Variants in DMD observed in about 807,000 individuals in gnomAD.
DMD encodes the protein mutant dystrophin.
A neutral mutation model predicts 330.1 loss-of-function variants in DMD; 63 were observed. The ratio of observed to expected loss-of-function variants is 0.19; its 90% CI spans 0.16 to 0.24. DMD has a LOEUF of 0.24. DMD is among the 10% of genes least tolerant of loss of function. The probability of loss-of-function intolerance (pLI) is 1.00; values close to 1 mark genes in which losing one functional copy is unlikely to be tolerated. For missense variants in DMD, 3,344 were observed against 2,684.1 expected (o/e 1.25, Z -5.43); for synonymous variants, 1,223 against 959.8 (o/e 1.27, Z -5.07).
At chrX:33,106,054 CCA>C (rs1557263796) in intron 1 of DMD, among the ~76,000 whole-genome samples, 15 of 89,416 alleles carry the variant, frequency 1.7e-4, no homozygotes, top group South Asian at 4.6e-4. Flanking sequence ...GATACACACA[CCA>C]CACACACACA....
At chrX:31,697,006 G>A (rs1373276286) in intron 52 of DMD, among the ~76,000 whole-genome samples, 1 of 112,254 alleles carries the variant, frequency 8.9e-6, no homozygotes, top group Non-Finnish European at 1.9e-5. Flanking sequence ...AGTTTTAAAT[G>A]TATTTCATTT....
At chrX:31,394,936 G>GCTGAGAGAGAGAGAGA (rs2148811575) in intron 60 of DMD, among the ~76,000 whole-genome samples, 1 of 30,398 alleles carries the variant, frequency 3.3e-5, no homozygotes, top group East Asian at 1.1e-3. Context: ...GAGAGAGAAG[G>GCTGAGAGAGAGAGAGA]GTGAGAGAGA....
chrX:31,788,824 C>T (rs928553746), intron 50 of DMD, among the ~76,000 whole-genome samples: 1 of 110,455 alleles, frequency 9.1e-6, no homozygotes, highest in East Asian at 2.8e-4. Context: ...ATTTAATGAC[C>T]TTCTTTGTGT....
chrX:32,015,908 GT>G (rs775674436), intron 44 of DMD, among the ~76,000 whole-genome samples: 1 of 111,166 alleles, frequency 9.0e-6, no homozygotes, highest in African/African-American at 3.3e-5. Context: ...AGAACACTAA[GT>G]TTTTTTTGTG....
At chrX:32,252,703 TATAA>T (rs1473476343) in intron 43 of DMD, among the ~76,000 whole-genome samples, 7 of 40,382 alleles carry the variant, frequency 1.7e-4, no homozygotes, top group Non-Finnish European at 2.8e-4. Context: ...TATAAATATA[TATAA>T]ATATATAAAT....
intron 48 of DMD, among the ~76,000 whole-genome samples, chrX:31,855,196 G>GTT (rs76973499): frequency 0.37 from 40,447 of 110,284 alleles, 5,619 homozygotes; most frequent in Admixed American, 0.48. Flanking sequence ...TTTGAGTGTG[G>GTT]TTCTGATGAA....
At chrX:33,317,343 T>A (rs2053946681) in intron 1 of DMD, among the ~76,000 whole-genome samples, 1 of 111,612 alleles carries the variant, frequency 9.0e-6, no homozygotes, top group South Asian at 3.7e-4. Context: ...TATTATTATA[T>A]ATAAAACCTT....
At chrX:32,025,353 C>T (rs1001995522) in intron 44 of DMD, among the ~76,000 whole-genome samples, 15 of 111,559 alleles carry the variant, frequency 1.3e-4, no homozygotes, top group Non-Finnish European at 2.4e-4. Flanking sequence ...TAGCCGCATG[C>T]GGCTTTTGAA....
At chrX:31,807,958 C>T (rs956184886) in intron 50 of DMD, among the ~76,000 whole-genome samples, 1 of 111,610 alleles carries the variant, frequency 9.0e-6, no homozygotes, top group African/African-American at 3.3e-5. Flanking sequence ...TCTAGGCTTT[C>T]ATTTCCTCTC....
intron 7 of DMD, among the ~76,000 whole-genome samples, chrX:32,733,598 A>G (rs1299783143): frequency 5.1e-4 from 57 of 111,455 alleles, no homozygotes; most frequent in Non-Finnish European, 8.5e-4. Context: ...TAGAACTCAG[A>G]ATTAAGAATC....
chrX:32,755,933 T>A lies in DMD; in HGVS notation c.649+53560A>T, dbSNP rs2071448572. Among the ~76,000 whole-genome samples the A allele has an allele frequency of 2.7e-5, 3 of 112,235 alleles. No homozygotes were observed. The South Asian group carries it at 1.1e-3, about 41-fold the overall frequency. On this transcript the variant is annotated intron_variant, in intron 7 of 78. Coordinates refer to ENST00000357033, the MANE Select transcript of DMD (RefSeq NM_004006.3). ...ATTGCACTGTAATCAGCAAGCTTAA[T>A]CTAGGGCAAAGAAGAATACAATTGT...
intron 52 of DMD, among the ~76,000 whole-genome samples, chrX:31,686,416 C>T (rs2082692075): frequency 8.9e-6 from 1 of 112,414 alleles, no homozygotes; most frequent in African/African-American, 3.2e-5. Flanking sequence ...GGACTCAAGA[C>T]TTTCCCATTT....
chrX:32,676,690 C>A (rs2061993195), intron 9 of DMD, among the ~76,000 whole-genome samples: 1 of 111,553 alleles, frequency 9.0e-6, no homozygotes, highest in African/African-American at 3.2e-5. Flanking sequence ...TCATTACAAG[C>A]TCAGTTAACA....
chrX:33,091,039 A>T (rs939863912), intron 1 of DMD, among the ~76,000 whole-genome samples: 2 of 110,993 alleles, frequency 1.8e-5, no homozygotes, highest in Non-Finnish European at 3.8e-5. Context: ...TGGTTCTATG[A>T]GAGAATGTTA....
At chrX:32,602,026 G>T in intron 12 of DMD, among the ~76,000 whole-genome samples, 1 of 111,760 alleles carries the variant, frequency 8.9e-6, no homozygotes, top group East Asian at 2.8e-4. Context: ...CATCATAAGT[G>T]CAGGAAGAGA....
chrX:32,865,408 A>G (rs1014205114), intron 2 of DMD, among the ~76,000 whole-genome samples: 2 of 111,694 alleles, frequency 1.8e-5, no homozygotes, highest in African/African-American at 6.5e-5. Flanking sequence ...TGAATAGAAT[A>G]TACAAGGTTG....
chrX:31,592,856 G>C (rs1188014520), intron 55 of DMD, among the ~76,000 whole-genome samples: 1 of 110,467 alleles, frequency 9.1e-6, no homozygotes, highest in Admixed American at 9.7e-5. Flanking sequence ...AGGTAGTTAT[G>C]TCTATTCTCG....
chrX:33,026,783 A>G (rs1227108965), intron 1 of DMD, among the ~76,000 whole-genome samples: 1 of 112,029 alleles, frequency 8.9e-6, no homozygotes, highest in Non-Finnish European at 1.9e-5. Context: ...CATTCGCTTT[A>G]CAGTCAATGT....
rs769495559 is a variant in DMD at position 31,365,996 on chromosome X, C to T, written c.9085-17362G>A. Among the ~76,000 whole-genome samples the T allele has an allele frequency of 1.5e-3, 166 of 112,454 alleles. 2 individuals carry two copies. The Middle Eastern group carries it at 0.018, about 12-fold the overall frequency. ...TGCTGCCCAGTTGCACAGGATGTTG[C>T]TATTATCTAGCATTTGCACATCAAT... On this transcript the variant is annotated intron_variant, in intron 60 of 78. Transcript: ENST00000357033.
Sources: allele counts gnomAD v4.1 joint callset (sites outside exome capture counted in the v4.1 genomes callset), GRCh38; gene constraint gnomAD v4.1.1; transcripts MANE v1.5; gene names NCBI Gene and HGNC (gene_info 2026-07-23, HGNC 2026-07-21).